CLSTN1: variants seen among roughly 807,000 people sequenced by gnomAD.
CLSTN1 encodes the protein calsyntenin-1.
CLSTN1 carries 28 observed loss-of-function variants against 108.3 expected under a neutral mutation model. That is an observed-to-expected ratio of 0.26 (90% CI 0.19 to 0.35). The LOEUF (loss-of-function observed/expected upper bound fraction) is 0.35. Among genes scored for constraint, CLSTN1 ranks in the 10% least tolerant of loss-of-function variants. The pLI, the probability that CLSTN1 is intolerant of heterozygous loss-of-function variation, is 1.00. For missense variants in CLSTN1, 1,157 were observed against 1,302.6 expected, an observed-to-expected ratio of 0.89 and a Z score of 1.72; for synonymous variants, 524 against 534.9, an observed-to-expected ratio of 0.98 and a Z score of 0.28.
intron 2 of CLSTN1, among the ~76,000 whole-genome samples, chr1:9,765,883 A>AG (rs1570467436): frequency 6.6e-6 from 1 of 152,194 alleles, no homozygotes; most frequent in East Asian, 1.9e-4. Flanking sequence ...TCTCAAAAAA[A>AG]AAAGGCAATT....
chr1:9,736,291 C>CT (rs1650687994), intron 11 of CLSTN1, among the ~76,000 whole-genome samples: 2 of 152,284 alleles, frequency 1.3e-5, no homozygotes, highest in African/African-American at 4.8e-5. Context: ...AAGAGGTCCC[C>CT]TGAGGGTCCC....
chr1:9,818,714 C>T (rs559943858), intron 1 of CLSTN1, among the ~76,000 whole-genome samples: 5 of 151,138 alleles, frequency 3.3e-5, no homozygotes, highest in South Asian at 2.1e-4. Context: ...TACTAAAATC[C>T]GTATTTTGTA....
At chr1:9,786,657 A>G (rs983808292) in intron 1 of CLSTN1, among the ~76,000 whole-genome samples, 42 of 150,094 alleles carry the variant, frequency 2.8e-4, no homozygotes, top group African/African-American at 9.7e-4. Context: ...TCAAAAAAAA[A>G]AAAAAAAAAA....
At chr1:9,771,342 A>G (rs542097461) in intron 2 of CLSTN1, among the ~76,000 whole-genome samples, 14 of 152,218 alleles carry the variant, frequency 9.2e-5, no homozygotes, top group African/African-American at 3.1e-4. Flanking sequence ...TAGGACGGGC[A>G]TGGTGGCTTA....
chr1:9,754,312 A>T (rs1651707918), intron 4 of CLSTN1, among the ~76,000 whole-genome samples: 1 of 152,188 alleles, frequency 6.6e-6, no homozygotes, highest in Admixed American at 6.5e-5. Context: ...CTGTAATCCT[A>T]GCACTTTGGG....
At chr1:9,794,285 A>G (rs1653894507) in intron 1 of CLSTN1, among the ~76,000 whole-genome samples, 1 of 151,326 alleles carries the variant, frequency 6.6e-6, no homozygotes, top group Non-Finnish European at 1.5e-5. Context: ...AACATTTCCA[A>G]CTGTTGACCG....
intron 1 of CLSTN1, among the ~76,000 whole-genome samples, chr1:9,800,323 G>A (rs1654202782): frequency 6.6e-6 from 1 of 151,606 alleles, no homozygotes; most frequent in South Asian, 2.1e-4. Flanking sequence ...AAACTGATAA[G>A]CCTCTAGCCA....
chr1:9,788,568 A>G (rs1311679904), intron 1 of CLSTN1, among the ~76,000 whole-genome samples: 5 of 147,732 alleles, frequency 3.4e-5, no homozygotes, highest in East Asian at 4.5e-4. Flanking sequence ...ACTGTTTCCA[A>G]AAAAAAAAGG....
chr1:9,754,677 G>A (rs941268493), intron 4 of CLSTN1, among the ~76,000 whole-genome samples: 9 of 152,154 alleles, frequency 5.9e-5, no homozygotes, highest in Non-Finnish European at 1.3e-4. Flanking sequence ...CCAACATGGA[G>A]AATCCCCATC....
At chr1:9,807,940 C>T (rs191789959) in intron 1 of CLSTN1, among the ~76,000 whole-genome samples, 29 of 152,356 alleles carry the variant, frequency 1.9e-4, no homozygotes, top group African/African-American at 6.3e-4. Context: ...CCTCCTAGCC[C>T]CTTCATCCCA....
At chr1:9,749,359 GT>G in intron 7 of CLSTN1, 101 bp downstream of exon 7, 1 of 1,144,338 alleles carries the variant, frequency 8.7e-7, no homozygotes, top group Non-Finnish European at 1.2e-6. Context: ...CTCTGTCACA[GT>G]TTATAATTAT....
chr1:9,812,401 G>C (rs542384775), intron 1 of CLSTN1, among the ~76,000 whole-genome samples: 1 of 152,314 alleles, frequency 6.6e-6, no homozygotes, highest in African/African-American at 2.4e-5. Context: ...GCTGACAAGA[G>C]ACACAGAGGA....
intron 1 of CLSTN1, among the ~76,000 whole-genome samples, chr1:9,783,014 A>G (rs1653321759): frequency 6.6e-6 from 1 of 152,124 alleles, no homozygotes; most frequent in African/African-American, 2.4e-5. Context: ...CTCAAAAAGA[A>G]AAAGAGAGAG....
chr1:9,783,336 T>G (rs1032960655), intron 1 of CLSTN1, among the ~76,000 whole-genome samples: 1 of 151,972 alleles, frequency 6.6e-6, no homozygotes, highest in Non-Finnish European at 1.5e-5. Context: ...CCCAACACTT[T>G]GGGAGGCCCA....
At chr1:9,791,726 T>G (rs1653780473) in intron 1 of CLSTN1, among the ~76,000 whole-genome samples, 1 of 150,600 alleles carries the variant, frequency 6.6e-6, no homozygotes, top group African/African-American at 2.4e-5. Flanking sequence ...AGATGGAGTT[T>G]CAGCATGTTG....
At chr1:9,760,684 GTTTTTTT>G (rs762619559) in intron 2 of CLSTN1, among the ~76,000 whole-genome samples, 14 of 102,404 alleles carry the variant, frequency 1.4e-4, no homozygotes, top group African/African-American at 3.4e-4. Context: ...CCATTCCCGG[GTTTTTTT>G]TTTTTTTTTT....
chr1:9,774,430 G>C (rs539110005), intron 1 of CLSTN1, among the ~76,000 whole-genome samples: 30 of 151,988 alleles, frequency 2.0e-4, no homozygotes, highest in Non-Finnish European at 4.1e-4. Flanking sequence ...GCCAGGTGTG[G>C]TGGCACACAC....
chr1:9,751,658 T>C lies in CLSTN1; in HGVS notation c.464A>G (p.Asn155Ser). Residue 155 changes from asparagine to serine, a missense_variant, in exon 5 of 19, where the codon AAC becomes AGC. Coordinates refer to ENST00000377298, the MANE Select transcript of CLSTN1 (RefSeq NM_001009566.3). ...CACGGGCGCGTACTCATTCACGTCGTTCACCTGAATATGAACAGTTGCTCT... is the reference window on the plus strand; with the variant it reads ...CACGGGCGCGTACTCATTCACGTCGCTCACCTGAATATGAACAGTTGCTCT... ...SHKATVHIQV[N>S]DVNEYAPVFK... 1.2e-6 allele frequency: 2 copies of C among 1,614,152 alleles called. No homozygotes were observed. The highest frequency in any genetic ancestry group is 1.6e-4 in the Middle Eastern group (1 of 6,062).
chr1:9,785,566 G>A (rs557783051), intron 1 of CLSTN1, among the ~76,000 whole-genome samples: 151 of 151,972 alleles, frequency 9.9e-4, no homozygotes, highest in Non-Finnish European at 1.8e-3. Flanking sequence ...GCAGCATCCC[G>A]GCCTCAAAAC....
Sources: gnomAD v4.1 joint callset for allele counts (sites outside exome capture counted in the v4.1 genomes callset) on GRCh38, gnomAD v4.1.1 for gene constraint, MANE v1.5 for transcripts, NCBI Gene and HGNC (gene_info 2026-07-23, HGNC 2026-07-21) for gene names.